The following FTSJ3 variants were observed in gnomAD, a reference collection of about 807,000 sequenced individuals.
FTSJ3 encodes FtsJ RNA 2'-O-methyltransferase 3, also known as pre-rRNA 2'-O-ribose RNA methyltransferase FTSJ3.
Under a neutral mutation model 111.5 loss-of-function variants are expected in FTSJ3, and 46 were observed. The ratio of observed to expected loss-of-function variants is 0.41; its 90% confidence interval spans 0.33 to 0.53. The LOEUF (loss-of-function observed/expected upper bound fraction) is 0.53. Ranked by LOEUF, FTSJ3 falls within the 20% of genes least tolerant of loss-of-function variation. The probability of loss-of-function intolerance (pLI) is 0.19; values close to 1 mark genes in which losing one functional copy is unlikely to be tolerated. For missense variants in FTSJ3, 1,075 were observed against 1,063.8 expected, an observed-to-expected ratio of 1.01 and a Z score of -0.15; for synonymous variants, 408 against 383.0, an observed-to-expected ratio of 1.07 and a Z score of -0.76.
In FTSJ3 at chr17:63,821,842, T is replaced by C; in HGVS notation, c.1477A>G (p.Met493Val). 1.2e-6 allele frequency: 2 copies of C among 1,614,112 alleles called. No homozygotes were observed. Among genetic ancestry groups the C allele is most frequent in the South Asian group, 1.1e-5 (1 of 91,082 alleles). Residue 493 changes from methionine (M) to valine (V), a missense_variant and splice_region_variant, in exon 15 of 21, where the codon ATG becomes GTG. By Grantham distance (21) the Met-to-Val change is conservative. Coordinates refer to ENST00000427159, the MANE Select transcript of FTSJ3 (RefSeq NM_017647.4). ...GHQGLRDQKR[M>V]RLTEVQDDKE... ...TCATCTTGCACTTCAGTAAGTCGCA[T>C]ACTGTAGACCCAAAGGAAAGTAGGG...
chr17:63,823,779 TTC>T, intron 13 of FTSJ3, 36 bp downstream of exon 13: 4 of 1,602,902 alleles, frequency 2.5e-6, no homozygotes, highest in Non-Finnish European at 3.4e-6. Context: ...AAACAGATCC[TTC>T]TGTCTCCTAA....
At chr17:63,821,866 G>T (rs1340925419) in intron 14 of FTSJ3, 23 bp from the exon 15 acceptor site, 1 of 1,613,984 alleles carries the variant, frequency 6.2e-7, no homozygotes, top group Admixed American at 1.7e-5. Flanking sequence ...AGGAAAGTAG[G>T]GGGCTCAGAG....
rs955238599 is a variant in FTSJ3 at position 63,827,638 on chromosome 17, G to A, written c.-613C>T. On this transcript the variant is annotated 5_prime_UTR_variant, in exon 1 of 21. Transcript: ENST00000427159. ...GTCGGAGGTGCCTGGACCAGTCCAT[G>A]CTGGACGCTGCCTGCGACCGGATCT... The A allele has an allele frequency of 2.2e-5, 34 of 1,521,082 alleles. 2 individuals are homozygous for A. The Admixed American group carries it at 6.2e-4, about 28-fold the overall frequency. 94.2% of individuals were successfully genotyped at this position (1,521,082 alleles called of 1,614,324 possible).
intron 13 of FTSJ3, among the ~76,000 whole-genome samples, chr17:63,823,391 CGAGACCATCCTGGCTAACACGGT>C: frequency 6.6e-6 from 1 of 152,234 alleles, no homozygotes; most frequent in East Asian, 1.9e-4. Context: ...GTCAGGAGGT[CGAGACCATCCTGGCTAACACGGT>C]GAAACCCCGT....
In FTSJ3 at chr17:63,821,039, C is replaced by T. The variant is rs774551066; in HGVS notation, c.1963G>A (p.Glu655Lys). ...CATACAGAGCTCTCACCTGGGTCCTCAATAGGCACTATCTCAAACCCGTCA... is the reference window on the plus strand; with the variant it reads ...CATACAGAGCTCTCACCTGGGTCCTTAATAGGCACTATCTCAAACCCGTCA... ...DDDGFEIVPI[E>K]DPAKHRILDP... The change falls in exon 17 of 21, where the codon GAG (glutamate) becomes AAG (lysine). Residue 655 changes from glutamate to lysine, a missense_variant. Glu to Lys is a moderately conservative substitution (Grantham distance 56). Transcript: ENST00000427159. The T allele has an allele frequency of 8.1e-6, 13 of 1,614,024 alleles. No individual in the cohort carries two copies. The highest frequency in any genetic ancestry group is 1.1e-5 in the Non-Finnish European group (13 of 1,179,984).
rs1280162184 is a variant in FTSJ3, at chr17:63,821,815, T to C, written c.1504A>G (p.Lys502Glu). 6.2e-7 allele frequency: 1 copy of C among 1,613,960 alleles called. No homozygotes were observed. The highest frequency in any genetic ancestry group is 8.5e-7 in the Non-Finnish European group (1 of 1,180,038). The change falls in exon 15 of 21, where the codon AAA (lysine) becomes GAA (glutamate). Residue 502 changes from lysine to glutamate, a missense_variant. Physicochemically the swap from Lys to Glu is moderately conservative, Grantham distance 56. Coordinates refer to ENST00000427159, the MANE Select transcript of FTSJ3 (RefSeq NM_017647.4). ...RMRLTEVQDD[K>E]EEEEEENPLL... ...GGATTCTCCTCCTCCTCCTCCTCTT[T>C]ATCATCTTGCACTTCAGTAAGTCGC...
chr17:63,823,570 G>A lies in FTSJ3; in HGVS notation c.1290+247C>T, dbSNP rs1254642822. The stretch of plus-strand genomic sequence containing the variant: ...AGATCGTGCCACTGCACTCCAGCCT[G>A]GGCAACAGAGCAAGACTCCGTCTCA... On this transcript the variant is annotated intron_variant, in intron 13 of 20. Coordinates refer to ENST00000427159, the MANE Select transcript of FTSJ3 (RefSeq NM_017647.4). 4 of 407,648 alleles carry A rather than the reference G, an allele frequency of 9.8e-6. No individual in the cohort carries two copies. In the Admixed American group the frequency reaches 1.3e-4, roughly 13 times the overall value. The allele number at this position is 407,648 out of a possible 1,614,324, so 25.3% of individuals were successfully genotyped here.
In FTSJ3 at chr17:63,826,548, TG is replaced by T; in HGVS notation, c.173+18del. On this transcript the variant is annotated intron_variant, in intron 3 of 20. Transcript: ENST00000427159. The stretch of plus-strand genomic sequence containing the variant: ...CAGAAAGCGGCCACCAGGAGCAACC[TG>T]TGGCGAGTGTTACGAACCATCCCCC... The T allele has an allele frequency of 6.3e-7, 1 of 1,594,308 alleles. No individual in the cohort carries two copies. The highest frequency in any genetic ancestry group is 8.6e-7 in the Non-Finnish European group (1 of 1,162,436).
In FTSJ3 at chr17:63,826,768, T is replaced by G. The variant is rs559316088; in HGVS notation, c.67+68A>C. On this transcript the variant is annotated intron_variant, in intron 2 of 20. Transcript: ENST00000427159. ...CTTCTGCAGGAGAGGTACATAATGGTCGCAAAGAGCAGGCGAACCGGGCAG... is the reference window on the plus strand; with the variant it reads ...CTTCTGCAGGAGAGGTACATAATGGGCGCAAAGAGCAGGCGAACCGGGCAG... 5 of 1,576,378 alleles carry G rather than the reference T, an allele frequency of 3.2e-6. No individual in the cohort carries two copies. The African/African-American group carries it at 6.7e-5, about 21-fold the overall frequency.
In FTSJ3 at chr17:63,827,136, C is replaced by T; in HGVS notation, c.-111G>A. ...CCGCTTCCGCTTGCGTCCCCTGCGT[C>T]CCTGGCTCGAGGTTTTCCGCCATTT... On this transcript the variant is annotated 5_prime_UTR_variant, in exon 1 of 21. Transcript: ENST00000427159. 6.6e-6 allele frequency: 4 copies of T among 608,224 alleles called. No individual in the cohort carries two copies. Among genetic ancestry groups the T allele is most frequent in the Non-Finnish European group, 1.2e-5 (4 of 343,606 alleles). 37.7% of individuals were successfully genotyped at this position (608,224 alleles called of 1,614,324 possible).
In FTSJ3 at chr17:63,825,158, G is replaced by A; in HGVS notation, c.601C>T (p.Leu201=). Residue 201 remains leucine (L), a synonymous_variant, in exon 8 of 21, where the codon CTG becomes TTG. Coordinates refer to ENST00000427159, the MANE Select transcript of FTSJ3 (RefSeq NM_017647.4). ...AEIFVVCQGF[L]APDKVDSKFF... ...TTACTGTCAACCTTGTCAGGGGCCA[G>A]GAATCCTAAAAATGACAGGATATAT... 2 of 1,614,122 alleles carry A rather than the reference G, an allele frequency of 1.2e-6. No individual in the cohort carries two copies. Among genetic ancestry groups the A allele is most frequent in the African/African-American group, 1.3e-5 (1 of 75,036 alleles).
In FTSJ3 at chr17:63,822,029, T is replaced by C. The variant is rs751142403; in HGVS notation, c.1430A>G (p.Glu477Gly). 6.2e-7 allele frequency: 1 copy of C among 1,614,162 alleles called. No homozygotes were observed. The highest frequency in any genetic ancestry group is 1.1e-5 in the South Asian group (1 of 91,072). ...CTGATGTCCCCTGACTCCTGCCAGC[T>C]CCTCTGGATCCAGGTCACTATCCAG... ...TSLDSDLDPEELAGVRGHQGL... is the reference protein window; with the variant it reads ...TSLDSDLDPEGLAGVRGHQGL... The change falls in exon 14 of 21, where the codon GAG becomes GGG. Residue 477 changes from glutamate (E) to glycine (G), a missense_variant. Coordinates refer to ENST00000427159, the MANE Select transcript of FTSJ3 (RefSeq NM_017647.4).
intron 18 of FTSJ3, 64 bp from the exon 19 acceptor site, chr17:63,820,502 T>A: frequency 6.6e-7 from 1 of 1,525,722 alleles, no homozygotes; most frequent in East Asian, 2.3e-5. Context: ...ATTACCAGAC[T>A]GGGCACGGTG....
In FTSJ3 at chr17:63,824,186, G is replaced by C. The variant is rs1172573896; in HGVS notation, c.1052C>G (p.Thr351Ser). Residue 351 changes from threonine to serine, a missense_variant, in exon 12 of 21, where the codon ACC (threonine) becomes AGC (serine). Transcript: ENST00000427159. ...EGDEEDSTAG[T>S]TKQPSKEEEE... ...CTCCTCCTTAGAGGGCTGCTTTGTGGTTCCAGCTGTTGAGTCCTCCTCATC... is the reference window on the plus strand; with the variant it reads ...CTCCTCCTTAGAGGGCTGCTTTGTGCTTCCAGCTGTTGAGTCCTCCTCATC... The C allele has an allele frequency of 1.2e-6, 2 of 1,614,010 alleles. No individual in the cohort carries two copies. Among genetic ancestry groups the C allele is most frequent in the Non-Finnish European group, 1.7e-6 (2 of 1,180,006 alleles).
Position 63,825,080 on chromosome 17 carries a change from C to T in FTSJ3, c.679G>A (p.Val227Ile), listed in dbSNP as rs370922839. Residue 227 changes from valine to isoleucine, a missense_variant, in exon 8 of 21, where the codon GTT becomes ATT. Physicochemically the swap from Val to Ile is conservative, Grantham distance 29. Transcript: ENST00000427159. ...FKEVEVQAKT[V>I]TELVTKKKPK... ...TTCTTCTTAGTAACCAATTCAGTAA[C>T]GGTCTTAGCCTGAACTTCAACCTCC... 69 of 1,614,012 alleles carry T rather than the reference C, an allele frequency of 4.3e-5. 1 individual carries two copies. In the South Asian group the frequency reaches 4.9e-4, roughly 12 times the overall value.
chr17:63,821,236 G>A, intron 16 of FTSJ3, 118 bp downstream of exon 16: 7 of 1,505,332 alleles, frequency 4.7e-6, no homozygotes, highest in South Asian at 3.5e-5. Flanking sequence ...AATCAGGATC[G>A]TCAGTACAGT....
At chr17:63,826,348 C>A in intron 3 of FTSJ3, 44 bp from the exon 4 acceptor site, 5 of 1,589,758 alleles carry the variant, frequency 3.1e-6, no homozygotes, top group Non-Finnish European at 4.3e-6. Flanking sequence ...CCATCCTTTT[C>A]CCCCTCTTGG....
intron 13 of FTSJ3, 47 bp downstream of exon 13, chr17:63,823,768 CAA>C (rs748071147): frequency 1.3e-6 from 2 of 1,595,422 alleles, no homozygotes; most frequent in Non-Finnish European, 1.7e-6. Context: ...TCCAAACACC[CAA>C]ACAGATCCTT....
chr17:63,827,581 G>C lies in FTSJ3; in HGVS notation c.-556C>G. ...GGTGCGGAGCGAGCGTGATCTGAGT[G>C]GAGAGCGGGCCGGGGCAGGAGCGTC... is the stretch of plus-strand genomic sequence containing the variant. On this transcript the variant is annotated 5_prime_UTR_variant, in exon 1 of 21. Transcript: ENST00000427159. 1 of 1,551,230 alleles carries C rather than the reference G, an allele frequency of 6.4e-7. No individual in the cohort carries two copies. Among genetic ancestry groups the C allele is most frequent in the Non-Finnish European group, 8.7e-7 (1 of 1,146,844 alleles).
Sources: allele counts gnomAD v4.1 joint callset (sites outside exome capture counted in the v4.1 genomes callset), GRCh38; gene constraint gnomAD v4.1.1; transcripts MANE v1.5; gene names NCBI Gene and HGNC (gene_info 2026-07-23, HGNC 2026-07-21).